Variants in KCNMA1 observed in about 807,000 individuals in gnomAD.
KCNMA1 encodes the protein potassium calcium-activated channel subfamily M alpha 1.
KCNMA1 carries 29 observed loss-of-function variants against 140.0 expected under a neutral mutation model. The observed-to-expected ratio is 0.21, with a 90% confidence interval of 0.15 to 0.28. The LOEUF (loss-of-function observed/expected upper bound fraction) is 0.28, where lower values mean the gene tolerates loss of function less well. KCNMA1 is among the 10% of genes least tolerant of loss of function. KCNMA1 has a pLI of 1.00. For synonymous variants in KCNMA1, 612 were observed against 611.9 expected (o/e 1.00, Z 0.00); for missense variants, 880 against 1,602.2 (o/e 0.55, Z 7.70).
chr10:77,200,653 A>AC (rs398046112), intron 3 of KCNMA1, among the ~76,000 whole-genome samples: 4 of 151,208 alleles, frequency 2.6e-5, no homozygotes, highest in Admixed American at 6.6e-5. Context: ...AAAAAAAAAA[A>AC]CCCACCCTAG....
At chr10:77,256,188 G>A (rs2060715376) in intron 2 of KCNMA1, among the ~76,000 whole-genome samples, 1 of 152,208 alleles carries the variant, frequency 6.6e-6, no homozygotes, top group South Asian at 2.1e-4. Context: ...AGTTGGGAAA[G>A]CTGGCTCTTA....
intron 14 of KCNMA1, among the ~76,000 whole-genome samples, chr10:77,064,562 AG>A (rs1321676333): frequency 6.6e-6 from 1 of 152,250 alleles, no homozygotes; most frequent in African/African-American, 2.4e-5. Context: ...CCAGGGCCAT[AG>A]GGGAAATGAA....
chr10:77,613,778 G>A (rs2088063767), intron 1 of KCNMA1, among the ~76,000 whole-genome samples: 1 of 152,210 alleles, frequency 6.6e-6, no homozygotes, highest in Non-Finnish European at 1.5e-5. Context: ...CTGGTGGCTG[G>A]CCTGACAGAG....
At chr10:77,295,271 C>T (rs2074562980) in intron 2 of KCNMA1, among the ~76,000 whole-genome samples, 1 of 151,830 alleles carries the variant, frequency 6.6e-6, no homozygotes. Context: ...CACTTGAATC[C>T]CGGAGGCAGA....
chr10:77,500,449 A>G (rs2043464581), intron 1 of KCNMA1, among the ~76,000 whole-genome samples: 1 of 152,176 alleles, frequency 6.6e-6, no homozygotes, highest in South Asian at 2.1e-4. Flanking sequence ...GGAGTTTGAA[A>G]CCAGCCAGGG....
At chr10:77,268,644 GA>G (rs746148097) in intron 2 of KCNMA1, among the ~76,000 whole-genome samples, 1 of 152,126 alleles carries the variant, frequency 6.6e-6, no homozygotes, top group African/African-American at 2.4e-5. Context: ...GCTTCCCGGT[GA>G]AAAGAGTAAA....
chr10:77,337,814 T>C (rs1421797762), intron 2 of KCNMA1, among the ~76,000 whole-genome samples: 1 of 152,138 alleles, frequency 6.6e-6, no homozygotes. Flanking sequence ...CAATGAAACA[T>C]CAGCAGAAGT....
At chr10:77,422,072 C>T (rs1039939449) in intron 1 of KCNMA1, among the ~76,000 whole-genome samples, 6 of 152,198 alleles carry the variant, frequency 3.9e-5, no homozygotes, top group Admixed American at 6.5e-5. Flanking sequence ...AGTCAAGGAA[C>T]CTGTTCAACA....
chr10:77,122,514 TAAG>T (rs985202884), intron 5 of KCNMA1, among the ~76,000 whole-genome samples: 1 of 149,026 alleles, frequency 6.7e-6, no homozygotes, highest in Non-Finnish European at 1.5e-5. Context: ...AGTACAAAAC[TAAG>T]AAGTCACCTC....
At chr10:76,971,280 T>TCC (rs2076005361) in intron 19 of KCNMA1, among the ~76,000 whole-genome samples, 1 of 152,148 alleles carries the variant, frequency 6.6e-6, no homozygotes, top group Non-Finnish European at 1.5e-5. Context: ...AGACTTGATA[T>TCC]ATGTTAATGG....
In KCNMA1 at chr10:77,305,745, T is replaced by C. The variant is rs188958252; in HGVS notation, c.541-54489A>G. Among the ~76,000 whole-genome samples the C allele has an allele frequency of 2.6e-5, 4 of 152,266 alleles. No homozygotes were observed. The East Asian group carries it at 7.7e-4, about 29-fold the overall frequency. On this transcript the variant is annotated intron_variant, in intron 2 of 27. Transcript: ENST00000286628. Reference sequence around the variant, plus strand: ...CCTGTCATTCTCTTTCCAAAACCTTTCAGGGGTTTAAGACCTAGAACCACG... The same window carrying C: ...CCTGTCATTCTCTTTCCAAAACCTTCCAGGGGTTTAAGACCTAGAACCACG...
At chr10:77,628,732 G>C (rs1265080597) in intron 1 of KCNMA1, among the ~76,000 whole-genome samples, 1 of 147,864 alleles carries the variant, frequency 6.8e-6, no homozygotes, top group African/African-American at 2.5e-5. Context: ...TCTGATAATG[G>C]GGAGATCTAC....
intron 1 of KCNMA1, among the ~76,000 whole-genome samples, chr10:77,476,797 C>T (rs534190820): frequency 8.5e-5 from 13 of 152,304 alleles, no homozygotes; most frequent in Admixed American, 8.5e-4. Flanking sequence ...GGGGCACCTC[C>T]TTGTTTCTTC....
At chr10:77,597,550 G>T (rs893801697) in intron 1 of KCNMA1, among the ~76,000 whole-genome samples, 1 of 152,156 alleles carries the variant, frequency 6.6e-6, no homozygotes, top group African/African-American at 2.4e-5. Context: ...GCAAGAGGCA[G>T]GGGACAAGAA....
At chr10:77,321,180 T>C (rs954836660) in intron 2 of KCNMA1, among the ~76,000 whole-genome samples, 2 of 152,262 alleles carry the variant, frequency 1.3e-5, no homozygotes, top group African/African-American at 4.8e-5. Context: ...GTGGAAATTT[T>C]CAGTATGCAA....
intron 4 of KCNMA1, 112 bp from the exon 5 acceptor site, chr10:77,183,644 G>A (rs1177598942): frequency 1.7e-5 from 13 of 748,634 alleles, no homozygotes; most frequent in East Asian, 1.1e-4. Flanking sequence ...GGGCCACCAC[G>A]CCCGGCTAAT....
chr10:77,212,750 T>C (rs1370607729), intron 3 of KCNMA1, among the ~76,000 whole-genome samples: 6 of 152,158 alleles, frequency 3.9e-5, no homozygotes, highest in Admixed American at 3.3e-4. Context: ...GTTAAGGAAA[T>C]GAGAGCAATC....
intron 2 of KCNMA1, among the ~76,000 whole-genome samples, chr10:77,398,288 T>C (rs1327670833): frequency 6.6e-6 from 1 of 152,194 alleles, no homozygotes; most frequent in Non-Finnish European, 1.5e-5. Flanking sequence ...TTCTGTGCTG[T>C]TTTTCATAGA....
At chr10:77,550,154 C>A (rs1419449690) in intron 1 of KCNMA1, among the ~76,000 whole-genome samples, 1 of 152,118 alleles carries the variant, frequency 6.6e-6, no homozygotes, top group African/African-American at 2.4e-5. Context: ...CAAGTCAGAG[C>A]AAAGGAGAAA....
Sources: allele counts gnomAD v4.1 joint callset (sites outside exome capture counted in the v4.1 genomes callset), GRCh38; gene constraint gnomAD v4.1.1; transcripts MANE v1.5; gene names NCBI Gene and HGNC (gene_info 2026-07-23, HGNC 2026-07-21).